Variants in PTPRE observed in about 807,000 individuals in gnomAD.
PTPRE encodes protein tyrosine phosphatase receptor type E, also known as receptor-type tyrosine-protein phosphatase epsilon.
PTPRE carries 51 observed loss-of-function variants against 102.0 expected under a neutral mutation model. The ratio of observed to expected loss-of-function variants is 0.50; its 90% CI spans 0.40 to 0.63. The LOEUF (loss-of-function observed/expected upper bound fraction) is 0.63, where lower values mean the gene tolerates loss of function less well. Among genes scored for constraint, PTPRE ranks in the 30% least tolerant of loss-of-function variants. The pLI, the probability that PTPRE is intolerant of heterozygous loss-of-function variation, is 0.00. For missense variants in PTPRE, 752 were observed against 915.1 expected (o/e 0.82, Z 2.30); for synonymous variants, 345 against 348.2 (o/e 0.99, Z 0.10).
At chr10:127,980,995 C>T (rs1449727475) in intron 1 of PTPRE, among the ~76,000 whole-genome samples, 1 of 152,100 alleles carries the variant, frequency 6.6e-6, no homozygotes, top group Admixed American at 6.5e-5. Context: ...AGATAGCAGC[C>T]TAATCAATAA....
At chr10:128,058,116 A>G (rs1056228302) in intron 7 of PTPRE, among the ~76,000 whole-genome samples, 3 of 152,178 alleles carry the variant, frequency 2.0e-5, no homozygotes, top group Non-Finnish European at 4.4e-5. Flanking sequence ...GTAACATCAC[A>G]TTGTTAATTA....
At chr10:128,010,653 G>A (rs755110165) in intron 2 of PTPRE, among the ~76,000 whole-genome samples, 7 of 151,424 alleles carry the variant, frequency 4.6e-5, no homozygotes, top group South Asian at 2.1e-4. Context: ...GGGCAGTGGC[G>A]CGATCTTGGC....
intron 1 of PTPRE, among the ~76,000 whole-genome samples, chr10:127,939,148 C>A (rs979952185): frequency 6.6e-6 from 1 of 152,196 alleles, no homozygotes; most frequent in African/African-American, 2.4e-5. Flanking sequence ...CATTGAAATC[C>A]TTTTCCAGAC....
chr10:127,948,175 C>A (rs959423564), intron 1 of PTPRE, among the ~76,000 whole-genome samples: 1 of 152,190 alleles, frequency 6.6e-6, no homozygotes, highest in Non-Finnish European at 1.5e-5. Context: ...CTTAGAAGAC[C>A]AGCACAGAGT....
At chr10:128,039,796 G>A (rs1847523478) in intron 2 of PTPRE, among the ~76,000 whole-genome samples, 1 of 152,008 alleles carries the variant, frequency 6.6e-6, no homozygotes, top group African/African-American at 2.4e-5. Context: ...GGAGTGGGGG[G>A]GCCACACCTC....
intron 7 of PTPRE, among the ~76,000 whole-genome samples, chr10:128,059,588 G>C (rs1849338324): frequency 1.3e-5 from 2 of 152,164 alleles, no homozygotes; most frequent in Non-Finnish European, 1.5e-5. Context: ...TCAGGAAGGA[G>C]ACCCTAAGCT....
chr10:128,072,276 C>G, intron 16 of PTPRE, 62 bp downstream of exon 16: 2 of 1,323,990 alleles, frequency 1.5e-6, no homozygotes, highest in Non-Finnish European at 2.1e-6. Context: ...TGACCACAGA[C>G]TTGATTAGCT....
In PTPRE at chr10:128,070,429, C is replaced by T. The variant is rs767933721; in HGVS notation, c.1272C>T (p.Ile424=). The change falls in exon 14 of 21, where the codon ATC becomes ATT. Residue 424 remains isoleucine (I), a synonymous_variant. Coordinates refer to ENST00000254667, the MANE Select transcript of PTPRE (RefSeq NM_006504.6). This position sits in a 1 kb window ranked among gnomAD's most constrained non-coding sequence, Gnocchi z 4.8. Reference sequence around the variant, plus strand: ...GCACCACCACCCACTTCGACAAGATCGGGCTGGAGGAGGAGTTCAGGGTGA... The same window carrying T: ...GCACCACCACCCACTTCGACAAGATTGGGCTGGAGGAGGAGTTCAGGGTGA... The part of the protein sequence containing the change: ...MHGTTTHFDK[I]GLEEEFRKLT... 1.4e-4 allele frequency: 232 copies of T among 1,613,822 alleles called. 8 individuals carry two copies. The highest frequency in any genetic ancestry group is 9.7e-4 in the South Asian group (88 of 91,032).
intron 3 of PTPRE, among the ~76,000 whole-genome samples, chr10:128,046,649 C>A (rs1392458269): frequency 1.3e-5 from 2 of 152,064 alleles, no homozygotes; most frequent in Non-Finnish European, 2.9e-5. Flanking sequence ...GGAGCAGGAA[C>A]AAAGTGCGAC....
intron 17 of PTPRE, among the ~76,000 whole-genome samples, chr10:128,075,688 C>A (rs1484619217): frequency 6.6e-6 from 1 of 152,162 alleles, no homozygotes; most frequent in Non-Finnish European, 1.5e-5. Context: ...GTATGGTATT[C>A]TCAAGGTGTC....
rs984105343 is a variant in PTPRE, at chr10:128,028,638, C to T, written c.-7-12237C>T. ...CCATCTGTCCCCGAGACCCCACCCC[C>T]TCAGGCACAGCTGAGCAGCCCGCCG... On this transcript the variant is annotated intron_variant, in intron 2 of 20. Coordinates refer to ENST00000254667, the MANE Select transcript of PTPRE (RefSeq NM_006504.6). The surrounding 1 kb of genome is among the most constrained non-coding windows in gnomAD (Gnocchi z 4.5). Among the ~76,000 whole-genome samples, 3 of 152,162 alleles carry T rather than the reference C, an allele frequency of 2.0e-5. No individual in the cohort carries two copies. Among genetic ancestry groups the T allele is most frequent in the Non-Finnish European group, 2.9e-5 (2 of 68,032 alleles).
chr10:127,930,533 G>T (rs1159198453), intron 1 of PTPRE, among the ~76,000 whole-genome samples: 2 of 152,306 alleles, frequency 1.3e-5, no homozygotes, highest in Admixed American at 1.3e-4. Flanking sequence ...GGACATTTGG[G>T]TTGTCTTCAG....
At position 127,907,495 on chromosome 10, in the gene PTPRE, A is replaced by T. The variant is rs1162352945; in HGVS notation, c.-31+186A>T. ...CCCAGTACCAGCGGCTGGGGCCCGT[A>T]CGACCCCCGACCCCGGCCTGTGGCG... is the stretch of plus-strand genomic sequence containing the variant. On this transcript the variant is annotated intron_variant, in intron 1 of 20. Coordinates refer to ENST00000254667, the MANE Select transcript of PTPRE (RefSeq NM_006504.6). The surrounding 1 kb of genome is among the most constrained non-coding windows in gnomAD (Gnocchi z 4.8). Among the ~76,000 whole-genome samples, 3 of 150,788 alleles carry T rather than the reference A, an allele frequency of 2.0e-5. No individual in the cohort carries two copies. Among genetic ancestry groups the T allele is most frequent in the African/African-American group, 7.3e-5 (3 of 40,968 alleles).
At chr10:128,027,729 G>A (rs1846388531) in intron 2 of PTPRE, among the ~76,000 whole-genome samples, 1 of 152,198 alleles carries the variant, frequency 6.6e-6, no homozygotes, top group Non-Finnish European at 1.5e-5. Flanking sequence ...GCCTTGAAGA[G>A]CCCGAAAAAG....
At chr10:127,973,931 C>CG (rs1036162929) in intron 1 of PTPRE, among the ~76,000 whole-genome samples, 4 of 152,180 alleles carry the variant, frequency 2.6e-5, no homozygotes, top group African/African-American at 9.7e-5. Context: ...GCCCCCTCCC[C>CG]GGCCGCCCAC....
intron 2 of PTPRE, among the ~76,000 whole-genome samples, chr10:127,992,883 C>T (rs1835544806): frequency 6.6e-6 from 1 of 152,202 alleles, no homozygotes. Flanking sequence ...AAGTGGGAGT[C>T]TTCATTTTTC....
At chr10:128,053,255 A>C (rs1207677385) in intron 6 of PTPRE, among the ~76,000 whole-genome samples, 2 of 152,232 alleles carry the variant, frequency 1.3e-5, no homozygotes, top group African/African-American at 4.8e-5. Flanking sequence ...TGTCTCAAAA[A>C]TAAAAATGTT....
chr10:127,943,087 G>A lies in PTPRE; in HGVS notation c.-31+35778G>A, dbSNP rs1848366557. Among the ~76,000 whole-genome samples the A allele has an allele frequency of 2.0e-5, 3 of 152,210 alleles. No homozygotes were observed. In the South Asian group the frequency reaches 6.2e-4, roughly 32 times the overall value. On this transcript the variant is annotated intron_variant, in intron 1 of 20. Transcript: ENST00000254667. ...TATTCTTCTCTTCCCAGCTCTGCCA[G>A]ACATCCACACATCCTGTCTAATGAA...
chr10:128,055,362 G>A (rs1848863838), intron 6 of PTPRE, among the ~76,000 whole-genome samples: 3 of 152,284 alleles, frequency 2.0e-5, no homozygotes, highest in Middle Eastern at 3.4e-3. Context: ...GTTCACGCTC[G>A]GTTATGCTGC....
Sources: allele counts gnomAD v4.1 joint callset (sites outside exome capture counted in the v4.1 genomes callset), GRCh38; gene constraint gnomAD v4.1.1; non-coding constraint Gnocchi (gnomAD v3.1); transcripts MANE v1.5; gene names NCBI Gene and HGNC (gene_info 2026-07-23, HGNC 2026-07-21).